Variants in ATP8A2 observed in about 807,000 individuals in gnomAD.
The protein encoded by ATP8A2 is ATPase phospholipid transporting 8A2.
A neutral mutation model predicts 165.6 loss-of-function variants in ATP8A2; 100 were observed. The ratio of observed to expected loss-of-function variants is 0.60; its 90% confidence interval spans 0.51 to 0.71. The LOEUF is 0.71. Among genes scored for constraint, ATP8A2 ranks in the 30% least tolerant of loss-of-function variants. The pLI, the probability that ATP8A2 is intolerant of heterozygous loss-of-function variation, is 0.00. For missense variants in ATP8A2, 1,227 were observed against 1,479.5 expected, an observed-to-expected ratio of 0.83 and a Z score of 2.80; for synonymous variants, 543 against 548.8, an observed-to-expected ratio of 0.99 and a Z score of 0.15.
chr13:25,513,343 C>G (rs1364205607), intron 2 of ATP8A2, among the ~76,000 whole-genome samples: 1 of 151,268 alleles, frequency 6.6e-6, no homozygotes, highest in Non-Finnish European at 1.5e-5. Flanking sequence ...GAGGCGCTCC[C>G]CACATCTCAG....
At chr13:25,536,572 T>C (rs552508899) in intron 6 of ATP8A2, among the ~76,000 whole-genome samples, 1 of 152,278 alleles carries the variant, frequency 6.6e-6, no homozygotes, top group Non-Finnish European at 1.5e-5. Context: ...TTTGCCTTTT[T>C]CCCAACAGAA....
intron 24 of ATP8A2, among the ~76,000 whole-genome samples, chr13:25,655,941 T>A (rs879400110): frequency 1.3e-5 from 2 of 152,130 alleles, no homozygotes; most frequent in Non-Finnish European, 2.9e-5. Context: ...GTCACTAGAT[T>A]TCAATGTATG....
intron 2 of ATP8A2, among the ~76,000 whole-genome samples, chr13:25,485,272 G>A (rs956353685): frequency 9.9e-5 from 15 of 152,194 alleles, no homozygotes; most frequent in African/African-American, 3.4e-4. Context: ...GTAATTTTAA[G>A]TACAGGATAG....
At chr13:25,858,541 C>T (rs1424313443) in intron 30 of ATP8A2, among the ~76,000 whole-genome samples, 1 of 152,158 alleles carries the variant, frequency 6.6e-6, no homozygotes, top group Non-Finnish European at 1.5e-5. Context: ...TGTGTGTGCC[C>T]AGGGGCTGGA....
intron 34 of ATP8A2, 95 bp from the exon 35 acceptor site, chr13:25,968,480 G>T (rs887584596): frequency 5.7e-6 from 6 of 1,058,968 alleles, no homozygotes; most frequent in Non-Finnish European, 8.5e-6. Flanking sequence ...CCACCAAAGG[G>T]CATTTGGCTG....
chr13:25,628,613 A>G (rs1011343279), intron 24 of ATP8A2, among the ~76,000 whole-genome samples: 1 of 152,006 alleles, frequency 6.6e-6, no homozygotes, highest in Non-Finnish European at 1.5e-5. Flanking sequence ...TCTGGAGGCT[A>G]AAAGTCCAAA....
chr13:25,372,280 C>G lies in ATP8A2; in HGVS notation c.68C>G (p.Ser23Trp), dbSNP rs200068509. The change falls in exon 1 of 37, where the codon TCG (serine) becomes TGG (tryptophan). Residue 23 changes from serine to tryptophan, a missense_variant. Physicochemically the swap from Ser to Trp is radical, Grantham distance 177. This residue lies in a region of ATP8A2 where 356 missense variants were observed against 394.9 expected (regional missense o/e 0.90). Transcript: ENST00000381655. The surrounding 1 kb of genome is among the most constrained non-coding windows in gnomAD (Gnocchi z 4.8). The part of the protein sequence containing the change: ...MSLPRRSRIR[S>W]SVGPVRSSLG... ...CTGCCGCGGAGGTCGAGGATCCGCT[C>G]GTCCGTGGGTGAGCTGGGAGGGGCG... is the stretch of plus-strand genomic sequence containing the variant. 4.8e-4 allele frequency: 684 copies of G among 1,431,836 alleles called. No individual in the cohort carries two copies. The highest frequency in any genetic ancestry group is 6.1e-4 in the Non-Finnish European group (660 of 1,079,846). 88.7% of individuals were successfully genotyped at this position (1,431,836 alleles called of 1,614,324 possible). A position where few individuals can be genotyped will look rare whatever the true frequency, so the allele number is the denominator to read the frequency against.
At chr13:25,893,007 G>A (rs566949736) in intron 33 of ATP8A2, among the ~76,000 whole-genome samples, 2 of 151,846 alleles carry the variant, frequency 1.3e-5, no homozygotes, top group Admixed American at 6.6e-5. Context: ...TTGTTGTAGC[G>A]TAAGTCCAGA....
chr13:25,489,230 T>C (rs2036445675), intron 2 of ATP8A2, among the ~76,000 whole-genome samples: 1 of 152,054 alleles, frequency 6.6e-6, no homozygotes, highest in Non-Finnish European at 1.5e-5. Context: ...GCCACTCTCG[T>C]TCTATTCCCG....
Position 25,512,531 on chromosome 13 carries a change from C to T in ATP8A2, c.222-17468C>T, listed in dbSNP as rs573165104. ...GGGGCTGACCTCCCCACCTCCCTCC[C>T]GGACGGGGCGGCTGGCCGGGCAGAG... On this transcript the variant is annotated intron_variant, in intron 2 of 36. Transcript: ENST00000381655. Among the ~76,000 whole-genome samples the T allele has an allele frequency of 7.9e-3, 1,187 of 150,896 alleles. 7 individuals carry two copies. The highest frequency in any genetic ancestry group is 9.7e-3 in the Non-Finnish European group (653 of 67,544).
Position 25,774,699 on chromosome 13 carries a change from T to C in ATP8A2, c.2569-150T>C, listed in dbSNP as rs573724937. The stretch of plus-strand genomic sequence containing the variant: ...ACTTGTTCTCACTGGGCCTGAAAGC[T>C]CTGTCTTCAGAGAATGGTTTTCTGA... On this transcript the variant is annotated intron_variant, in intron 26 of 36. Coordinates refer to ENST00000381655, the MANE Select transcript of ATP8A2 (RefSeq NM_016529.6). The C allele has an allele frequency of 5.6e-6, 3 of 533,744 alleles. No individual in the cohort carries two copies. In the South Asian group the frequency reaches 8.6e-5, roughly 15 times the overall value. 33.1% of individuals were successfully genotyped at this position (533,744 alleles called of 1,614,324 possible). A position where few individuals can be genotyped will look rare whatever the true frequency, so the allele number is the denominator to read the frequency against.
rs563348367 is a variant in ATP8A2, at chr13:25,574,054, A to G, written c.1663-754A>G. 1.4e-3 allele frequency among the ~76,000 whole-genome samples: 209 copies of G among 152,362 alleles called. 1 individual carries two copies. Among genetic ancestry groups the G allele is most frequent in the African/African-American group, 4.2e-3 (176 of 41,584 alleles). Reference sequence around the variant, plus strand: ...TTCAAACTCACATGTATTGGGTGCCAAAGGCCATGTTCTTTCCACTGTGAA... The same window carrying G: ...TTCAAACTCACATGTATTGGGTGCCGAAGGCCATGTTCTTTCCACTGTGAA... On this transcript the variant is annotated intron_variant, in intron 18 of 36. Coordinates refer to ENST00000381655, the MANE Select transcript of ATP8A2 (RefSeq NM_016529.6).
intron 24 of ATP8A2, among the ~76,000 whole-genome samples, chr13:25,648,427 A>C (rs1335092564): frequency 6.6e-6 from 1 of 152,140 alleles, no homozygotes; most frequent in Non-Finnish European, 1.5e-5. Flanking sequence ...GAACTTTGGG[A>C]GGTCGAGGCA....
At chr13:25,839,670 G>A (rs758959633) in intron 30 of ATP8A2, 46 bp downstream of exon 30, 71 of 1,494,968 alleles carry the variant, frequency 4.7e-5, no homozygotes, top group East Asian at 9.0e-5. Context: ...CTTTGCAGCC[G>A]CTCTGCTGCC....
chr13:25,737,256 T>C (rs1049824902), intron 25 of ATP8A2, among the ~76,000 whole-genome samples: 2 of 152,210 alleles, frequency 1.3e-5, no homozygotes, highest in African/African-American at 4.8e-5. Context: ...CTCAAGCCTG[T>C]GCCAAAACTC....
intron 33 of ATP8A2, among the ~76,000 whole-genome samples, chr13:25,939,996 C>T (rs1477803133): frequency 6.6e-6 from 1 of 152,184 alleles, no homozygotes; most frequent in Non-Finnish European, 1.5e-5. Flanking sequence ...TGACTCCGTG[C>T]ACTCAGGCTG....
chr13:25,521,589 T>C (rs1294503555), intron 2 of ATP8A2, among the ~76,000 whole-genome samples: 1 of 152,228 alleles, frequency 6.6e-6, no homozygotes, highest in African/African-American at 2.4e-5. Context: ...TTTTTTGATA[T>C]GTAATTACCA....
chr13:25,490,309 C>T (rs769496131), intron 2 of ATP8A2, among the ~76,000 whole-genome samples: 2 of 152,204 alleles, frequency 1.3e-5, no homozygotes, highest in Non-Finnish European at 2.9e-5. Context: ...GGGCTAGCCC[C>T]GTATAGCTTT....
intron 33 of ATP8A2, among the ~76,000 whole-genome samples, chr13:25,906,411 T>A (rs1953938465): frequency 2.6e-5 from 4 of 152,204 alleles, no homozygotes; most frequent in African/African-American, 7.2e-5. Flanking sequence ...TTATTTCTCT[T>A]CCAGGATTAG....
Sources: allele counts gnomAD v4.1 joint callset (sites outside exome capture counted in the v4.1 genomes callset), GRCh38; gene constraint gnomAD v4.1.1; regional missense constraint gnomAD v4.1.1; non-coding constraint Gnocchi (gnomAD v3.1); transcripts MANE v1.5; gene names NCBI Gene and HGNC (gene_info 2026-07-23, HGNC 2026-07-21).